KPNA7: variants seen among roughly 807,000 people sequenced by gnomAD.
The protein encoded by KPNA7 is karyopherin subunit alpha 7.
Under a neutral mutation model 53.7 loss-of-function variants are expected in KPNA7, and 54 were observed. The observed-to-expected ratio is 1.01, with a 90% CI of 0.81 to 1.26. KPNA7 has a LOEUF of 1.26. KPNA7 is among the 50% of genes most tolerant of loss of function. KPNA7 has a pLI of 0.00. For missense variants in KPNA7, 640 were observed against 644.5 expected, an observed-to-expected ratio of 0.99 and a Z score of 0.07; for synonymous variants, 276 against 259.3, an observed-to-expected ratio of 1.06 and a Z score of -0.62.
At chr7:99,200,543 G>C (rs540256009) in intron 3 of KPNA7, among the ~76,000 whole-genome samples, 1 of 152,174 alleles carries the variant, frequency 6.6e-6, no homozygotes, top group African/African-American at 2.4e-5. Context: ...CACAAAGAGT[G>C]AAACAGGCTT....
the KPNA7 span, among the ~76,000 whole-genome samples, chr7:99,148,832 T>A: frequency 3.8e-5 from 1 of 26,424 alleles, no homozygotes; most frequent in Admixed American, 4.3e-4. Context: ...GTGGTCCTCC[T>A]GCTTTAGCCT....
intron 1 of KPNA7, among the ~76,000 whole-genome samples, chr7:99,219,121 C>G (rs1791287129): frequency 1.3e-5 from 2 of 152,222 alleles, no homozygotes; most frequent in African/African-American, 4.8e-5. Context: ...GAGTTTTGAG[C>G]CCGCCCCGGG....
the KPNA7 span, among the ~76,000 whole-genome samples, chr7:99,163,383 ATTTTTTTTT>A: frequency 1.5e-4 from 6 of 40,804 alleles, no homozygotes; most frequent in Admixed American, 4.9e-4. Flanking sequence ...ATATATATAT[ATTTTTTTTT>A]TTTTTTTTTT....
At chr7:99,155,535 T>C in the KPNA7 span, among the ~76,000 whole-genome samples, 141,479 of 152,076 alleles carry the variant, frequency 0.93, 65,968 homozygotes, top group East Asian at 1. Flanking sequence ...TTATCTTCCT[T>C]TTACTGATGG....
chr7:99,155,175 T>C, the KPNA7 span, among the ~76,000 whole-genome samples: 7 of 152,230 alleles, frequency 4.6e-5, no homozygotes, highest in Non-Finnish European at 8.8e-5. Context: ...TCCATTTTTA[T>C]AGTTACTATT....
At chr7:99,149,905 C>T in the KPNA7 span, among the ~76,000 whole-genome samples, 105 of 152,296 alleles carry the variant, frequency 6.9e-4, 4 homozygotes, top group South Asian at 0.021. Flanking sequence ...AGCGATTCTC[C>T]TGCCTCAGCC....
At chr7:99,163,315 T>C in the KPNA7 span, among the ~76,000 whole-genome samples, 382 of 142,300 alleles carry the variant, frequency 2.7e-3, 1 homozygote, top group African/African-American at 9.6e-3. Flanking sequence ...TATATTTATA[T>C]ATAATATACA....
chr7:99,161,521 TC>T, the KPNA7 span, among the ~76,000 whole-genome samples: 50 of 152,268 alleles, frequency 3.3e-4, no homozygotes, highest in African/African-American at 1.2e-3. Flanking sequence ...ATCTAAATTG[TC>T]CCCCAGATTC....
the KPNA7 span, among the ~76,000 whole-genome samples, chr7:99,152,255 G>A: frequency 3.3e-5 from 5 of 151,932 alleles, no homozygotes; most frequent in South Asian, 2.1e-4. Context: ...CCAGTTACAC[G>A]GGAGGCTGAG....
At chr7:99,165,869 T>C in the KPNA7 span, among the ~76,000 whole-genome samples, 1 of 152,136 alleles carries the variant, frequency 6.6e-6, no homozygotes, top group South Asian at 2.1e-4. Flanking sequence ...TCTGACCAAA[T>C]CTCATGTCAA....
the KPNA7 span, among the ~76,000 whole-genome samples, chr7:99,164,646 A>T: frequency 1.6e-5 from 2 of 126,982 alleles, no homozygotes; most frequent in African/African-American, 2.9e-5. Flanking sequence ...AAAAAAAAAA[A>T]TTTCTCGAAA....
intron 10 of KPNA7, among the ~76,000 whole-genome samples, chr7:99,174,791 C>G (rs1798839806): frequency 6.6e-6 from 1 of 151,532 alleles, no homozygotes; most frequent in South Asian, 2.1e-4. Flanking sequence ...ATCAAACCCC[C>G]TTTAAAAGAG....
intron 7 of KPNA7, among the ~76,000 whole-genome samples, chr7:99,188,056 T>G (rs1249040542): frequency 6.6e-6 from 1 of 150,488 alleles, no homozygotes; most frequent in Admixed American, 6.7e-5. Flanking sequence ...GCATCTATAA[T>G]CCCAGCTACC....
chr7:99,195,968 GT>G, intron 4 of KPNA7, 115 bp downstream of exon 4: 2 of 783,606 alleles, frequency 2.6e-6, no homozygotes, highest in Non-Finnish European at 4.3e-6. Flanking sequence ...CTTTTCCTGT[GT>G]TTTACGGGCA....
At position 99,184,074 on chromosome 7, in the gene KPNA7, CCT is replaced by C. The variant is rs201552000; in HGVS notation, c.1134+853_1134+854del. 9.4e-3 allele frequency among the ~76,000 whole-genome samples: 1,435 copies of C among 151,862 alleles called. 12 individuals are homozygous for C. Among genetic ancestry groups the C allele is most frequent in the Non-Finnish European group, 0.014 (978 of 67,980 alleles). ...ATGTTGGCCAGGCTGGTATCGAACCCCTGATCTCAGGTGATCCACTTGCCTTG... is the reference window on the plus strand; with the variant it reads ...ATGTTGGCCAGGCTGGTATCGAACCCGATCTCAGGTGATCCACTTGCCTTG... On this transcript the variant is annotated intron_variant, in intron 8 of 10. Coordinates refer to ENST00000327442, the MANE Select transcript of KPNA7 (RefSeq NM_001145715.3).
intron 7 of KPNA7, 23 bp from the exon 8 acceptor site, chr7:99,185,185 C>G: frequency 6.7e-7 from 1 of 1,501,492 alleles, no homozygotes; most frequent in Non-Finnish European, 9.1e-7. Flanking sequence ...GGCTAGAAGT[C>G]TAAGTATTTC....
the KPNA7 span, among the ~76,000 whole-genome samples, chr7:99,159,363 A>T: frequency 6.6e-6 from 1 of 151,658 alleles, no homozygotes; most frequent in South Asian, 2.1e-4. Flanking sequence ...AAAAAAAAAA[A>T]AAAAAAAAAA....
intron 6 of KPNA7, among the ~76,000 whole-genome samples, chr7:99,191,565 C>A (rs1789954646): frequency 2.0e-5 from 3 of 152,266 alleles, no homozygotes; most frequent in Middle Eastern, 3.4e-3. Context: ...AAGCCCTTTT[C>A]CTGCTTGCCA....
intron 7 of KPNA7, 107 bp downstream of exon 7, chr7:99,188,193 A>AG (rs1789725296): frequency 9.2e-5 from 96 of 1,046,600 alleles, no homozygotes; most frequent in Non-Finnish European, 1.1e-4. Flanking sequence ...AAAAAAAAAA[A>AG]AAAAAGCAAA....
Sources: allele counts gnomAD v4.1 joint callset (sites outside exome capture counted in the v4.1 genomes callset), GRCh38; gene constraint gnomAD v4.1.1; transcripts MANE v1.5; gene names NCBI Gene and HGNC (gene_info 2026-07-23, HGNC 2026-07-21).